The following SLC23A2 variants were observed in gnomAD, a reference collection of about 807,000 sequenced individuals.
SLC23A2 encodes the protein Na(+)/L-ascorbic acid transporter 2.
A neutral mutation model predicts 73.3 loss-of-function variants in SLC23A2; 36 were observed. That is an observed-to-expected ratio of 0.49 (90% CI 0.38 to 0.65). The LOEUF (loss-of-function observed/expected upper bound fraction) is 0.65. SLC23A2 is among the 30% of genes least tolerant of loss of function. The pLI is 0.00. For synonymous variants in SLC23A2, 343 were observed against 327.3 expected (o/e 1.05, Z -0.52); for missense variants, 507 against 841.6 (o/e 0.60, Z 4.92).
chr20:4,988,977 T>C (rs1025042168), intron 1 of SLC23A2, among the ~76,000 whole-genome samples: 8 of 151,012 alleles, frequency 5.3e-5, no homozygotes, highest in Non-Finnish European at 1.0e-4. Flanking sequence ...TGGCTCACAT[T>C]TGTAATCCCA....
intron 1 of SLC23A2, among the ~76,000 whole-genome samples, chr20:4,982,062 T>A (rs1444706387): frequency 6.6e-6 from 1 of 151,758 alleles, no homozygotes; most frequent in Admixed American, 6.6e-5. Flanking sequence ...TGGCATGATC[T>A]TGGCTCAATG....
intron 3 of SLC23A2, among the ~76,000 whole-genome samples, chr20:4,922,300 A>G (rs1328414411): frequency 2.6e-5 from 4 of 152,182 alleles, no homozygotes; most frequent in Non-Finnish European, 5.9e-5. Flanking sequence ...GCTGTGGGGC[A>G]GGGAGATCAC....
At chr20:4,867,505 G>A (rs1423986006) in intron 13 of SLC23A2, among the ~76,000 whole-genome samples, 1 of 152,052 alleles carries the variant, frequency 6.6e-6, no homozygotes, top group African/African-American at 2.4e-5. Context: ...CTTGAACAGT[G>A]GCCTGGCAGA....
intron 3 of SLC23A2, among the ~76,000 whole-genome samples, chr20:4,929,920 A>G (rs956410507): frequency 5.9e-5 from 9 of 152,162 alleles, no homozygotes; most frequent in Non-Finnish European, 1.0e-4. Flanking sequence ...GTGGAGGGCA[A>G]ACTACAATTA....
chr20:4,942,374 C>G (rs1419397970), intron 2 of SLC23A2, among the ~76,000 whole-genome samples: 1 of 47,384 alleles, frequency 2.1e-5, no homozygotes, highest in Admixed American at 2.0e-4. Flanking sequence ...GCTACAGTCT[C>G]AAAAAAAAAA....
intron 6 of SLC23A2, among the ~76,000 whole-genome samples, chr20:4,886,971 C>T (rs1034532438): frequency 6.6e-6 from 1 of 152,200 alleles, no homozygotes; most frequent in African/African-American, 2.4e-5. Flanking sequence ...AAAGGACAAG[C>T]AGTCTCGTTG....
In SLC23A2 at chr20:4,862,406, T is replaced by C. The variant is rs1018612673; in HGVS notation, c.1487-321A>G. Among the ~76,000 whole-genome samples, 2 of 152,228 alleles carry C rather than the reference T, an allele frequency of 1.3e-5. No homozygotes were observed. The highest frequency in any genetic ancestry group is 4.8e-5 in the African/African-American group (2 of 41,466). On this transcript the variant is annotated intron_variant, in intron 14 of 16. Coordinates refer to ENST00000338244, the MANE Select transcript of SLC23A2 (RefSeq NM_005116.6). This position sits in a 1 kb window ranked among gnomAD's most constrained non-coding sequence, Gnocchi z 5.1. The stretch of plus-strand genomic sequence containing the variant: ...GATTAAACAGGGAGACCTACCTAAA[T>C]ATCTGGTGCATGTCTCTGGTTATTA...
At position 4,937,107 on chromosome 20, in the gene SLC23A2, G is replaced by C. The variant is rs140322024; in HGVS notation, c.-154-4391C>G. On this transcript the variant is annotated intron_variant, in intron 2 of 16. Transcript: ENST00000338244. ...CACCCCGGTGCACAAGGATGATGCAGACACTCTCAAGGTCAGAAAGTATGC... is the reference window on the plus strand; with the variant it reads ...CACCCCGGTGCACAAGGATGATGCACACACTCTCAAGGTCAGAAAGTATGC... Among the ~76,000 whole-genome samples the C allele has an allele frequency of 6.9e-3, 1,058 of 152,322 alleles. 7 individuals are homozygous for C. Among genetic ancestry groups the C allele is most frequent in the Non-Finnish European group, 9.7e-3 (663 of 68,030 alleles).
At chr20:4,904,397 A>G (rs1277304480) in intron 4 of SLC23A2, among the ~76,000 whole-genome samples, 1 of 151,892 alleles carries the variant, frequency 6.6e-6, no homozygotes, top group African/African-American at 2.4e-5. Flanking sequence ...TGTCTCCTAG[A>G]CCCTGCCTAT....
chr20:4,883,525 A>G lies in SLC23A2; in HGVS notation c.824+117T>C, dbSNP rs997207649. The G allele has an allele frequency of 1.3e-6, 1 of 783,948 alleles. No homozygotes were observed. Among genetic ancestry groups the G allele is most frequent in the Non-Finnish European group, 2.0e-6 (1 of 495,436 alleles). 48.6% of individuals were successfully genotyped at this position (783,948 alleles called of 1,614,324 possible). On this transcript the variant is annotated intron_variant, in intron 9 of 16. Transcript: ENST00000338244. This position sits in a 1 kb window ranked among gnomAD's most constrained non-coding sequence, Gnocchi z 4.5. ...AACTATTCCCCAGCACGAAGCAAAT[A>G]AAGTTGAAACTGTCAGACCATTCTT...
At chr20:4,877,415 GATC>G in intron 9 of SLC23A2, among the ~76,000 whole-genome samples, 1 of 152,268 alleles carries the variant, frequency 6.6e-6, no homozygotes, top group East Asian at 1.9e-4. Context: ...GAAAGAAAGA[GATC>G]ATCTAAACAT....
intron 1 of SLC23A2, among the ~76,000 whole-genome samples, chr20:4,984,292 C>T (rs1178371837): frequency 1.3e-5 from 2 of 152,118 alleles, no homozygotes; most frequent in East Asian, 1.9e-4. Context: ...CAGTGGCTCA[C>T]GCCTGTAATC....
chr20:4,959,219 C>CA (rs34519143), intron 2 of SLC23A2, among the ~76,000 whole-genome samples: 12,716 of 113,498 alleles, frequency 0.11, 848 homozygotes, highest in African/African-American at 0.22. Flanking sequence ...AACTCTGTCT[C>CA]AAAAAAAAAA....
intron 2 of SLC23A2, among the ~76,000 whole-genome samples, chr20:4,941,575 G>T (rs2087041816): frequency 6.6e-6 from 1 of 151,842 alleles, no homozygotes; most frequent in Non-Finnish European, 1.5e-5. Flanking sequence ...GGTGGAGCAT[G>T]CCTGTAATCC....
chr20:4,951,039 C>T (rs1471741569), intron 2 of SLC23A2, among the ~76,000 whole-genome samples: 1 of 152,068 alleles, frequency 6.6e-6, no homozygotes, highest in East Asian at 1.9e-4. Context: ...AACACAGGTC[C>T]GCACATGACA....
At position 4,902,901 on chromosome 20, in the gene SLC23A2, G is replaced by A. The variant is rs552620694; in HGVS notation, c.208-343C>T. On this transcript the variant is annotated intron_variant, in intron 4 of 16. Coordinates refer to ENST00000338244, the MANE Select transcript of SLC23A2 (RefSeq NM_005116.6). This position sits in a 1 kb window ranked among gnomAD's most constrained non-coding sequence, Gnocchi z 4.0. ...AGACCACAAAATGATACCTTGGCACGAGCAGTCCTTGCGTGAGACCCCAGA... is the reference window on the plus strand; with the variant it reads ...AGACCACAAAATGATACCTTGGCACAAGCAGTCCTTGCGTGAGACCCCAGA... 1.8e-4 allele frequency among the ~76,000 whole-genome samples: 28 copies of A among 152,060 alleles called. No homozygotes were observed. The South Asian group carries it at 2.9e-3, about 16-fold the overall frequency.
intron 6 of SLC23A2, among the ~76,000 whole-genome samples, chr20:4,898,916 G>A (rs1031772741): frequency 2.6e-5 from 4 of 152,228 alleles, no homozygotes; most frequent in Non-Finnish European, 5.9e-5. Context: ...GACAAGCTGG[G>A]CCTGGAGGAT....
chr20:5,009,683 G>C (rs889087630), intron 1 of SLC23A2, among the ~76,000 whole-genome samples: 10 of 152,142 alleles, frequency 6.6e-5, no homozygotes, highest in Non-Finnish European at 1.3e-4. Flanking sequence ...CCGCTGATGA[G>C]AGGTGAAATG....
At chr20:4,926,848 A>C (rs1932690323) in intron 3 of SLC23A2, among the ~76,000 whole-genome samples, 1 of 152,028 alleles carries the variant, frequency 6.6e-6, no homozygotes, top group South Asian at 2.1e-4. Flanking sequence ...CTCATCCAAC[A>C]CAGGATGCCT....
Sources: gnomAD v4.1 joint callset for allele counts (sites outside exome capture counted in the v4.1 genomes callset) on GRCh38, gnomAD v4.1.1 for gene constraint, Gnocchi (gnomAD v3.1) non-coding constraint, MANE v1.5 for transcripts, NCBI Gene and HGNC (gene_info 2026-07-23, HGNC 2026-07-21) for gene names.